Variants in LIMCH1 observed in about 807,000 individuals in gnomAD.
LIMCH1 encodes the protein LIM and calponin homology domains-containing protein 1.
Under a neutral mutation model 176.5 loss-of-function variants are expected in LIMCH1, and 113 were observed. The observed-to-expected ratio is 0.64, with a 90% confidence interval of 0.55 to 0.75. The LOEUF (loss-of-function observed/expected upper bound fraction) is 0.75, where lower values mean the gene tolerates loss of function less well. Among genes scored for constraint, LIMCH1 ranks in the 30% least tolerant of loss-of-function variants. LIMCH1 has a pLI of 0.00. For missense variants in LIMCH1, 1,674 were observed against 1,814.9 expected (o/e 0.92, Z 1.41); for synonymous variants, 619 against 645.9 (o/e 0.96, Z 0.63).
chr4:41,476,536 AT>A (rs2067773694), intron 1 of LIMCH1, among the ~76,000 whole-genome samples: 1 of 152,212 alleles, frequency 6.6e-6, no homozygotes, highest in South Asian at 2.1e-4. Flanking sequence ...GATGAATGGC[AT>A]TTTAGTGGGC....
chr4:41,683,000 G>A (rs1717538048), intron 26 of LIMCH1, among the ~76,000 whole-genome samples: 1 of 152,004 alleles, frequency 6.6e-6, no homozygotes, highest in African/African-American at 2.4e-5. Context: ...TTTTAAATAG[G>A]CAAACTCTTT....
intron 1 of LIMCH1, among the ~76,000 whole-genome samples, chr4:41,419,240 C>CA (rs1467456156): frequency 6.6e-6 from 1 of 151,862 alleles, no homozygotes; most frequent in Non-Finnish European, 1.5e-5. Context: ...TGCAGTGGCA[C>CA]AATCTCAGCT....
intron 1 of LIMCH1, among the ~76,000 whole-genome samples, chr4:41,558,840 G>A (rs1317517008): frequency 5.3e-5 from 8 of 152,116 alleles, no homozygotes; most frequent in Admixed American, 4.6e-4. Context: ...TAAAGAGGAG[G>A]GTTCCTGTAT....
At chr4:41,487,611 G>A (rs1250290959) in intron 1 of LIMCH1, among the ~76,000 whole-genome samples, 1 of 149,926 alleles carries the variant, frequency 6.7e-6, no homozygotes, top group African/African-American at 2.4e-5. Context: ...AGTGGTACAT[G>A]AACAATTTAG....
chr4:41,644,310 G>A (rs543185401), intron 14 of LIMCH1, among the ~76,000 whole-genome samples, 190 bp from the exon 15 acceptor site: 1 of 152,204 alleles, frequency 6.6e-6, no homozygotes, highest in South Asian at 2.1e-4. Flanking sequence ...AAAAGGAGGC[G>A]GTGGGGTGCC....
intron 1 of LIMCH1, among the ~76,000 whole-genome samples, chr4:41,418,011 G>A (rs903770056): frequency 1.3e-5 from 2 of 152,100 alleles, no homozygotes; most frequent in Admixed American, 1.3e-4. Flanking sequence ...TGTCATTTTG[G>A]CAATGAAAGT....
At chr4:41,372,821 A>C (rs1015860909) in intron 1 of LIMCH1, among the ~76,000 whole-genome samples, 5 of 152,168 alleles carry the variant, frequency 3.3e-5, no homozygotes, top group South Asian at 2.1e-4. Context: ...GTGAGTGAGA[A>C]GCTTAAGTGA....
Position 41,682,426 on chromosome 4 carries a change from A to G in LIMCH1, c.3811A>G (p.Thr1271Ala). Residue 1271 changes from threonine (T) to alanine (A), a missense_variant, in exon 26 of 32, where the codon ACT (threonine) becomes GCT (alanine). Around this residue, in one of 3 missense-constraint regions of LIMCH1, gnomAD observed 1,015 missense variants for 1,102.5 expected, o/e 0.92. Transcript: ENST00000503057. The stretch of plus-strand genomic sequence containing the variant: ...AGATGACAGTGACTTATTGCTGAAG[A>G]CTAGGGAAAGTGATCGACTGGAGGA... ...QGDDSDLLLK[T>A]RESDRLEEKG... 6.2e-7 allele frequency: 1 copy of G among 1,613,352 alleles called. No homozygotes were observed. Among genetic ancestry groups the G allele is most frequent in the Non-Finnish European group, 8.5e-7 (1 of 1,179,452 alleles).
chr4:41,535,940 G>A (rs904392193), upstream of LIMCH1, among the ~76,000 whole-genome samples: 4 of 151,798 alleles, frequency 2.6e-5, no homozygotes, highest in Non-Finnish European at 5.9e-5. Context: ...TTTGAAGAAA[G>A]AAACCACTTG....
intron 1 of LIMCH1, among the ~76,000 whole-genome samples, chr4:41,483,088 T>C (rs980772471): frequency 1.3e-5 from 2 of 152,012 alleles, no homozygotes; most frequent in African/African-American, 4.8e-5. Flanking sequence ...AAGAGGAAAC[T>C]GCCATGCTAT....
Position 41,644,483 on chromosome 4 carries a change from G to C in LIMCH1, c.2127-17G>C. ...GCTGATCGCGGTCCCTCTTGTGTTC[G>C]CTCTCTCCACACTCAGGAGCACCAG... On this transcript the variant is annotated splice_polypyrimidine_tract_variant and intron_variant, in intron 14 of 31. Transcript: ENST00000503057. The C allele has an allele frequency of 6.6e-7, 1 of 1,517,310 alleles. No homozygotes were observed. Among genetic ancestry groups the C allele is most frequent in the Non-Finnish European group, 8.9e-7 (1 of 1,128,412 alleles). 94.0% of individuals were successfully genotyped at this position (1,517,310 alleles called of 1,614,324 possible). A position where few individuals can be genotyped will look rare whatever the true frequency, so the allele number is the denominator to read the frequency against.
intron 1 of LIMCH1, among the ~76,000 whole-genome samples, chr4:41,416,657 C>CA (rs35372522): frequency 0.027 from 1,183 of 43,578 alleles, 33 homozygotes; most frequent in African/African-American, 0.058. Flanking sequence ...GATTCCATCT[C>CA]AAAAACAAAA....
chr4:41,630,309 A>G (rs943507129), intron 9 of LIMCH1, among the ~76,000 whole-genome samples: 2 of 152,104 alleles, frequency 1.3e-5, no homozygotes, highest in Admixed American at 6.5e-5. Context: ...AGTGCGTCTC[A>G]CATCACAGAG....
intron 14 of LIMCH1, among the ~76,000 whole-genome samples, chr4:41,639,777 G>T (rs2152905753): frequency 6.6e-6 from 1 of 152,218 alleles, no homozygotes; most frequent in Admixed American, 6.5e-5. Context: ...GAAGAAACAT[G>T]ATTAATATCT....
At chr4:41,456,440 A>G (rs766791563) in intron 1 of LIMCH1, among the ~76,000 whole-genome samples, 29 of 152,190 alleles carry the variant, frequency 1.9e-4, no homozygotes, top group African/African-American at 5.1e-4. Context: ...GTCTTAAGCA[A>G]CTAATCAGAC....
intron 1 of LIMCH1, among the ~76,000 whole-genome samples, chr4:41,417,189 T>C (rs2060021212): frequency 6.6e-6 from 1 of 151,982 alleles, no homozygotes; most frequent in African/African-American, 2.4e-5. Context: ...TTATCTATGA[T>C]ATGGGAACAC....
intron 14 of LIMCH1, among the ~76,000 whole-genome samples, chr4:41,640,640 T>G (rs972725988): frequency 6.6e-6 from 1 of 152,220 alleles, no homozygotes; most frequent in Non-Finnish European, 1.5e-5. Context: ...CATGAAACCA[T>G]GTGGGGAACA....
chr4:41,630,029 C>G (rs935809384), intron 9 of LIMCH1, among the ~76,000 whole-genome samples: 10 of 152,154 alleles, frequency 6.6e-5, no homozygotes, highest in Non-Finnish European at 1.5e-4. Context: ...TGGTCTTGAA[C>G]TCCTGGGCTC....
chr4:41,440,213 C>A (rs1158181935), intron 1 of LIMCH1, among the ~76,000 whole-genome samples: 1 of 152,154 alleles, frequency 6.6e-6, no homozygotes, highest in Non-Finnish European at 1.5e-5. Context: ...TTAGTTATAT[C>A]TTTTCTAGGT....
Sources: allele counts gnomAD v4.1 joint callset (sites outside exome capture counted in the v4.1 genomes callset), GRCh38; gene constraint gnomAD v4.1.1; regional missense constraint gnomAD v4.1.1; transcripts MANE v1.5; gene names NCBI Gene and HGNC (gene_info 2026-07-23, HGNC 2026-07-21).